Variants in ADCYAP1R1 observed in about 807,000 individuals in gnomAD.
ADCYAP1R1 encodes pituitary adenylate cyclase-activating polypeptide type I receptor.
In ADCYAP1R1, 44 loss-of-function variants were observed where a neutral mutation model predicts 67.6. The observed-to-expected ratio is 0.65, with a 90% CI of 0.51 to 0.84. ADCYAP1R1 has a LOEUF of 0.84. ADCYAP1R1 is among the 40% of genes least tolerant of loss of function. The probability of loss-of-function intolerance (pLI) is 0.00; values close to 1 mark genes in which losing one functional copy is unlikely to be tolerated. For synonymous variants in ADCYAP1R1, 222 were observed against 219.6 expected (o/e 1.01, Z -0.10); for missense variants, 477 against 587.9 (o/e 0.81, Z 1.95).
At chr7:31,065,868 C>T (rs1448823771) in intron 3 of ADCYAP1R1, among the ~76,000 whole-genome samples, 5 of 152,206 alleles carry the variant, frequency 3.3e-5, no homozygotes, top group Non-Finnish European at 7.3e-5. Context: ...CTCTGAGCAC[C>T]ATGTATTTAA....
At chr7:31,084,330 C>A in intron 7 of ADCYAP1R1, 80 bp downstream of exon 7, 2 of 1,186,462 alleles carry the variant, frequency 1.7e-6, no homozygotes, top group Non-Finnish European at 2.5e-6. Flanking sequence ...CATTCATGAG[C>A]ACCTGCTGGG....
At chr7:31,054,878 C>T (rs1009683558) in intron 1 of ADCYAP1R1, among the ~76,000 whole-genome samples, 1 of 152,244 alleles carries the variant, frequency 6.6e-6, no homozygotes, top group Non-Finnish European at 1.5e-5. Flanking sequence ...ATGCCCCAGA[C>T]AGGAGCTGCC....
intron 1 of ADCYAP1R1, among the ~76,000 whole-genome samples, chr7:31,061,329 G>A (rs1439823300): frequency 1.3e-5 from 2 of 152,000 alleles, no homozygotes; most frequent in Non-Finnish European, 2.9e-5. Flanking sequence ...CTCTTTGCAG[G>A]CAGAGCCTTG....
chr7:31,076,877 G>A (rs1488492625), intron 3 of ADCYAP1R1, among the ~76,000 whole-genome samples: 1 of 152,124 alleles, frequency 6.6e-6, no homozygotes, highest in Non-Finnish European at 1.5e-5. Context: ...GGGCTAGGGT[G>A]GGCATGTGGG....
At chr7:31,079,603 A>G (rs1030743477) in intron 4 of ADCYAP1R1, among the ~76,000 whole-genome samples, 3 of 152,196 alleles carry the variant, frequency 2.0e-5, no homozygotes, top group Admixed American at 1.3e-4. Flanking sequence ...TCGAATTCCA[A>G]TAACTGACTC....
Position 31,092,655 on chromosome 7 carries a change from G to A in ADCYAP1R1, c.966G>A (p.Val322=). ...PVVGSIMVNF[V]LFIGIIVILV... is the part of the protein sequence containing the mutation. ...TTTTTGCTCCTTAGGTTAACTTTGT[G>A]CTTTTTATTGGCATTATCGTCATCC... The change falls in exon 13 of 16, where the codon GTG becomes GTA. Residue 322 remains valine (V), a synonymous_variant. Transcript: ENST00000304166. 2 of 1,605,844 alleles carry A rather than the reference G, an allele frequency of 1.2e-6. No individual in the cohort carries two copies. Among genetic ancestry groups the A allele is most frequent in the Non-Finnish European group, 1.7e-6 (2 of 1,177,570 alleles).
intron 1 of ADCYAP1R1, among the ~76,000 whole-genome samples, chr7:31,060,591 C>T (rs1794460063): frequency 6.6e-6 from 1 of 151,906 alleles, no homozygotes; most frequent in South Asian, 2.1e-4. Context: ...TTGATACCTT[C>T]AAGTGGTGGC....
intron 1 of ADCYAP1R1, chr7:31,057,224 C>T (rs923590342): frequency 6.6e-6 from 1 of 152,606 alleles, no homozygotes; most frequent in Non-Finnish European, 1.5e-5. Context: ...TCCCTCTTCT[C>T]CCCGCATTTA....
At chr7:31,054,997 C>T (rs1019642103) in intron 1 of ADCYAP1R1, among the ~76,000 whole-genome samples, 6 of 152,146 alleles carry the variant, frequency 3.9e-5, no homozygotes, top group South Asian at 2.1e-4. Flanking sequence ...GTGGTCCAGC[C>T]GCCTGGCAAG....
Position 31,085,375 on chromosome 7 carries a change from T to C in ADCYAP1R1, c.602T>C (p.Ile201Thr). The C allele has an allele frequency of 1.9e-6, 3 of 1,614,110 alleles. No individual in the cohort carries two copies. Among genetic ancestry groups the C allele is most frequent in the Non-Finnish European group, 2.5e-6 (3 of 1,180,034 alleles). The change falls in exon 9 of 16, where the codon ATC becomes ACC. Residue 201 changes from isoleucine to threonine, a missense_variant. Ile to Thr is a moderately conservative substitution (Grantham distance 89). Coordinates refer to ENST00000304166, the MANE Select transcript of ADCYAP1R1 (RefSeq NM_001118.5). ...NLFVSFMLRAISVFIKDWILY... is the reference protein window; with the variant it reads ...NLFVSFMLRATSVFIKDWILY... The stretch of plus-strand genomic sequence containing the variant: ...TTTGTGTCGTTCATGCTGAGGGCGA[T>C]CTCCGTCTTCATCAAAGACTGGATT...
At chr7:31,105,684 C>G (rs1796613381) in intron 15 of ADCYAP1R1, among the ~76,000 whole-genome samples, 1 of 152,120 alleles carries the variant, frequency 6.6e-6, no homozygotes, top group South Asian at 2.1e-4. Context: ...CTGTGATCGC[C>G]CAGACAACCT....
Position 31,102,690 on chromosome 7 carries a change from G to A in ADCYAP1R1, c.1047-547G>A, listed in dbSNP as rs879745899. Among the ~76,000 whole-genome samples, 5 of 152,060 alleles carry A rather than the reference G, an allele frequency of 3.3e-5. No individual in the cohort carries two copies. The highest frequency in any genetic ancestry group is 1.3e-4 in the Admixed American group (2 of 15,276). ...GTAAGTTCCTCCTAGAATCCCTCCC[G>A]AGTTTCTTCCTCTGTGATCCACTCA... On this transcript the variant is annotated intron_variant, in intron 13 of 15. Coordinates refer to ENST00000304166, the MANE Select transcript of ADCYAP1R1 (RefSeq NM_001118.5). The surrounding 1 kb of genome is among the most constrained non-coding windows in gnomAD (Gnocchi z 4.3).
rs2128640756 is a variant in ADCYAP1R1 at position 31,102,854 on chromosome 7, C to T, written c.1047-383C>T. 6.6e-6 allele frequency among the ~76,000 whole-genome samples: 1 copy of T among 152,332 alleles called. No individual in the cohort carries two copies. Among genetic ancestry groups the T allele is most frequent in the Non-Finnish European group, 1.5e-5 (1 of 68,034 alleles). ...CTTTCAGGCACAAAGAGCTTTCTTC[C>T]AGAACAGGAGAGCGGCTGCTCTGCC... On this transcript the variant is annotated intron_variant, in intron 13 of 15. Transcript: ENST00000304166. This position sits in a 1 kb window ranked among gnomAD's most constrained non-coding sequence, Gnocchi z 4.3.
intron 12 of ADCYAP1R1, among the ~76,000 whole-genome samples, chr7:31,089,727 T>C (rs1439173223): frequency 1.3e-5 from 2 of 152,210 alleles, no homozygotes; most frequent in African/African-American, 4.8e-5. Context: ...ATGTCTTTGT[T>C]GATGTTTCTG....
At chr7:31,085,034 G>A (rs1365338042) in intron 8 of ADCYAP1R1, among the ~76,000 whole-genome samples, 200 bp downstream of exon 8, 2 of 152,224 alleles carry the variant, frequency 1.3e-5, no homozygotes, top group Non-Finnish European at 2.9e-5. Flanking sequence ...GCCAGGCAGA[G>A]CCTGGGCAGG....
Position 31,063,179 on chromosome 7 carries a change from T to G in ADCYAP1R1, c.-71-15T>G, listed in dbSNP as rs1368045935. ...CACTGGGCTCACAGGATTCACACCT[T>G]TCCTTCCTCTCTAGCCCAGAGACAC... On this transcript the variant is annotated splice_polypyrimidine_tract_variant and intron_variant, in intron 1 of 15. Transcript: ENST00000304166. 1.9e-6 allele frequency: 3 copies of G among 1,553,972 alleles called. No homozygotes were observed. The East Asian group carries it at 6.7e-5, about 35-fold the overall frequency.
rs1795434476 is a variant in ADCYAP1R1, at chr7:31,079,735, G to A, written c.266-878G>A. Among the ~76,000 whole-genome samples, 3 of 152,078 alleles carry A rather than the reference G, an allele frequency of 2.0e-5. No homozygotes were observed. The South Asian group carries it at 6.2e-4, about 32-fold the overall frequency. On this transcript the variant is annotated intron_variant, in intron 4 of 15. Transcript: ENST00000304166. The stretch of plus-strand genomic sequence containing the variant: ...GTTTGTCTAAGATGCACTGCACTCT[G>A]CAGCAACACCTCCACCTCCAGACCA...
chr7:31,084,340 G>C, intron 7 of ADCYAP1R1, 90 bp downstream of exon 7: 2 of 1,043,970 alleles, frequency 1.9e-6, no homozygotes, highest in South Asian at 1.4e-5. Flanking sequence ...CACCTGCTGG[G>C]GCTGAGAAGC....
At chr7:31,053,820 A>G (rs1332938931) in intron 1 of ADCYAP1R1, among the ~76,000 whole-genome samples, 1 of 152,152 alleles carries the variant, frequency 6.6e-6, no homozygotes, top group African/African-American at 2.4e-5. Flanking sequence ...TGGACGCAGC[A>G]TGTGGAGGGC....
Sources: gnomAD v4.1 joint callset for allele counts (sites outside exome capture counted in the v4.1 genomes callset) on GRCh38, gnomAD v4.1.1 for gene constraint, Gnocchi (gnomAD v3.1) non-coding constraint, MANE v1.5 for transcripts, NCBI Gene and HGNC (gene_info 2026-07-23, HGNC 2026-07-21) for gene names.